Variants in NRG1 observed in about 807,000 individuals in gnomAD.
The protein encoded by NRG1 is neuregulin 1.
NRG1 carries 18 observed loss-of-function variants against 63.8 expected under a neutral mutation model. That is an observed-to-expected ratio of 0.28 (90% CI 0.19 to 0.42). NRG1 has a LOEUF of 0.42. Ranked by LOEUF, NRG1 falls within the 10% of genes least tolerant of loss-of-function variation. The pLI, the probability that NRG1 is intolerant of heterozygous loss-of-function variation, is 1.00. For missense variants in NRG1, 762 were observed against 814.7 expected, an observed-to-expected ratio of 0.94 and a Z score of 0.79; for synonymous variants, 302 against 301.3, an observed-to-expected ratio of 1.00 and a Z score of -0.02.
intron 1 of NRG1, among the ~76,000 whole-genome samples, chr8:31,777,525 C>A (rs1819264845): frequency 6.6e-6 from 1 of 152,208 alleles, no homozygotes; most frequent in Admixed American, 6.5e-5. Flanking sequence ...AGCCCTTGTG[C>A]CCCCAAATAT....
chr8:31,665,970 C>A lies in NRG1; in HGVS notation c.37+26539C>A, dbSNP rs986886156. Reference sequence around the variant, plus strand: ...TTATCGTCTTTTTGCCGTTTGGGAACAAAGCCACGTTGTTCACGACTGAAA... The same window carrying A: ...TTATCGTCTTTTTGCCGTTTGGGAAAAAAGCCACGTTGTTCACGACTGAAA... On this transcript the variant is annotated intron_variant, in intron 1 of 10. Coordinates refer to the NRG1 transcript ENST00000519301. 2.6e-5 allele frequency among the ~76,000 whole-genome samples: 4 copies of A among 152,170 alleles called. No individual in the cohort carries two copies. In the South Asian group the frequency reaches 6.2e-4, roughly 24 times the overall value.
At chr8:31,766,504 C>A (rs930560348) in intron 1 of NRG1, among the ~76,000 whole-genome samples, 1 of 152,158 alleles carries the variant, frequency 6.6e-6, no homozygotes, top group African/African-American at 2.4e-5. Context: ...GGAAGGACAA[C>A]AAGCCCCTGT....
chr8:31,767,002 G>C (rs1818134303), intron 1 of NRG1, among the ~76,000 whole-genome samples: 1 of 152,140 alleles, frequency 6.6e-6, no homozygotes, highest in Non-Finnish European at 1.5e-5. Context: ...TGGGTGAAGA[G>C]AGACTGTTTT....
rs111350327 is a variant in NRG1 at position 32,595,422 on chromosome 8, C to G, written c.101-406C>G. ...CAAACTGGACTCCAACTTCTGAGGTCAAGTGATCCTCCTGCCTCAGCCTCC... is the reference window on the plus strand; with the variant it reads ...CAAACTGGACTCCAACTTCTGAGGTGAAGTGATCCTCCTGCCTCAGCCTCC... On this transcript the variant is annotated intron_variant, in intron 1 of 11. Transcript: ENST00000356819. Among the ~76,000 whole-genome samples the G allele has an allele frequency of 2.6e-5, 4 of 152,206 alleles. No homozygotes were observed. In the East Asian group the frequency reaches 5.8e-4, roughly 22 times the overall value.
chr8:32,028,558 T>C (rs1391340179), intron 1 of NRG1, among the ~76,000 whole-genome samples: 1 of 152,200 alleles, frequency 6.6e-6, no homozygotes, highest in Non-Finnish European at 1.5e-5. Context: ...TTTTATTTCA[T>C]TTGGAATTAA....
chr8:31,968,872 C>G (rs1806818186), intron 1 of NRG1, among the ~76,000 whole-genome samples: 2 of 152,192 alleles, frequency 1.3e-5, no homozygotes, highest in African/African-American at 4.8e-5. Flanking sequence ...GAGGCATTAC[C>G]AATTACAGGC....
At chr8:32,486,267 G>T (rs1182388560) in intron 1 of NRG1, among the ~76,000 whole-genome samples, 1 of 152,064 alleles carries the variant, frequency 6.6e-6, no homozygotes, top group African/African-American at 2.4e-5. Flanking sequence ...TTTATAGTTT[G>T]TTATAACTAA....
At chr8:31,746,980 A>G (rs1199045556) in intron 1 of NRG1, among the ~76,000 whole-genome samples, 2 of 151,896 alleles carry the variant, frequency 1.3e-5, no homozygotes, top group Admixed American at 6.6e-5. Flanking sequence ...TAATGGACCT[A>G]GAGAGTAGAA....
chr8:32,160,791 C>CT (rs1838737745), intron 1 of NRG1, among the ~76,000 whole-genome samples: 1 of 152,216 alleles, frequency 6.6e-6, no homozygotes, highest in African/African-American at 2.4e-5. Flanking sequence ...ACATCCAAGA[C>CT]TTTTATCCCC....
At chr8:31,720,420 C>T (rs1812796999) in intron 1 of NRG1, among the ~76,000 whole-genome samples, 2 of 152,132 alleles carry the variant, frequency 1.3e-5, no homozygotes, top group South Asian at 4.1e-4. Flanking sequence ...CAGATCATCC[C>T]ATCACCTAGG....
chr8:31,731,616 T>C (rs1814078702), intron 1 of NRG1, among the ~76,000 whole-genome samples: 1 of 152,138 alleles, frequency 6.6e-6, no homozygotes, highest in African/African-American at 2.4e-5. Context: ...TATATATCAA[T>C]AGTGTTATTT....
chr8:31,813,021 T>C, intron 1 of NRG1, among the ~76,000 whole-genome samples: 1 of 152,168 alleles, frequency 6.6e-6, no homozygotes, highest in East Asian at 1.9e-4. Flanking sequence ...TCTGAACCAA[T>C]GTTTTCTTTT....
At chr8:32,639,596 C>T (rs1205253463) in intron 5 of NRG1, among the ~76,000 whole-genome samples, 1 of 152,150 alleles carries the variant, frequency 6.6e-6, no homozygotes, top group Non-Finnish European at 1.5e-5. Flanking sequence ...TTCATAACTG[C>T]CTTCACATGT....
chr8:32,220,053 C>A (rs930249667), intron 1 of NRG1, among the ~76,000 whole-genome samples: 4 of 152,092 alleles, frequency 2.6e-5, no homozygotes, highest in Non-Finnish European at 5.9e-5. Flanking sequence ...AAGGGAATTC[C>A]TCGTAGGTTT....
intron 1 of NRG1, chr8:32,061,925 A>G (rs894239306): frequency 6.6e-6 from 1 of 152,082 alleles, no homozygotes; most frequent in Non-Finnish European, 1.5e-5. Flanking sequence ...CAAAACACAA[A>G]CAGGAGGAGG....
chr8:32,213,003 C>T (rs1844845829), intron 1 of NRG1, among the ~76,000 whole-genome samples: 1 of 152,076 alleles, frequency 6.6e-6, no homozygotes, highest in Non-Finnish European at 1.5e-5. Flanking sequence ...CACCAGTTCC[C>T]CTAAACTCCT....
chr8:31,945,463 A>C (rs760754913), intron 1 of NRG1, among the ~76,000 whole-genome samples: 1 of 151,812 alleles, frequency 6.6e-6, no homozygotes, highest in Non-Finnish European at 1.5e-5. Context: ...TCTGGTAGAG[A>C]TTTCCCTACA....
At position 31,950,326 on chromosome 8, in the gene NRG1, C is replaced by G. The variant is rs572838332; in HGVS notation, c.37+310895C>G. On this transcript the variant is annotated intron_variant, in intron 1 of 10. Transcript: ENST00000519301. ...AAAATTTCCATTTCTTTTTAAGTAG[C>G]CTTTTACCTCATGTTCTGTGAAGTC... Among the ~76,000 whole-genome samples, 34 of 152,262 alleles carry G rather than the reference C, an allele frequency of 2.2e-4. No homozygotes were observed. In the South Asian group the frequency reaches 6.8e-3, roughly 31 times the overall value.
chr8:32,355,590 G>A (rs76608079), intron 1 of NRG1, among the ~76,000 whole-genome samples: 3,344 of 151,558 alleles, frequency 0.022, 118 homozygotes, highest in African/African-American at 0.077. Context: ...TTTTAAAAAG[G>A]CAAATCATAT....
Sources: gnomAD v4.1 joint callset for allele counts (sites outside exome capture counted in the v4.1 genomes callset) on GRCh38, gnomAD v4.1.1 for gene constraint, MANE v1.5 for transcripts, NCBI Gene and HGNC (gene_info 2026-07-23, HGNC 2026-07-21) for gene names.